The following DIPK1C variants were observed in gnomAD, a reference collection of about 807,000 sequenced individuals.
DIPK1C encodes familial non-conventional Alzheimer's dementia.
In DIPK1C, 33 loss-of-function variants were observed where a neutral mutation model predicts 28.0. That is an observed-to-expected ratio of 1.18 (90% CI 0.89 to 1.58). The LOEUF (loss-of-function observed/expected upper bound fraction) is 1.58, where lower values mean the gene tolerates loss of function less well. DIPK1C is among the 40% of genes most tolerant of loss of function. The pLI is 0.00. For missense variants in DIPK1C, 569 were observed against 568.5 expected, an observed-to-expected ratio of 1.00 and a Z score of -0.01; for synonymous variants, 255 against 248.8, an observed-to-expected ratio of 1.02 and a Z score of -0.23.
At chr18:74,451,450 A>C (rs1006547831) in intron 1 of DIPK1C, among the ~76,000 whole-genome samples, 7 of 152,030 alleles carry the variant, frequency 4.6e-5, no homozygotes, top group African/African-American at 1.7e-4. Context: ...TGAGTGCATC[A>C]CTGGGCCAGG....
rs997704141 is a variant in DIPK1C, at chr18:74,443,881, A to G, written c.877-1765T>C. ...TCTCCCCAGCCTCCCCTGGGCCCCT[A>G]CTCAGAATTTTAGCTTCTTGCAACT... On this transcript the variant is annotated intron_variant, in intron 2 of 3. Coordinates refer to ENST00000343998, the MANE Select transcript of DIPK1C (RefSeq NM_001044369.3). 2.6e-5 allele frequency among the ~76,000 whole-genome samples: 4 copies of G among 152,064 alleles called. No homozygotes were observed. The East Asian group carries it at 7.7e-4, about 29-fold the overall frequency.
At chr18:74,442,385 G>C (rs12968877) in intron 2 of DIPK1C, among the ~76,000 whole-genome samples, 45,227 of 151,946 alleles carry the variant, frequency 0.3, 7,177 homozygotes, top group Middle Eastern at 0.4. Context: ...CTGGAGTGCA[G>C]TGGCGCGATC....
chr18:74,447,849 G>A lies in DIPK1C; in HGVS notation c.199-566C>T, dbSNP rs2144523240. ...TATAAAGCTTGCAGGCTGCAGGTTT[G>A]CAGATGTTTAGAGGAGAAGCCTCTA... On this transcript the variant is annotated intron_variant, in intron 1 of 3. Coordinates refer to ENST00000343998, the MANE Select transcript of DIPK1C (RefSeq NM_001044369.3). The surrounding 1 kb of genome is among the most constrained non-coding windows in gnomAD (Gnocchi z 4.1). Among the ~76,000 whole-genome samples the A allele has an allele frequency of 6.6e-6, 1 of 152,322 alleles. No individual in the cohort carries two copies. The highest frequency in any genetic ancestry group is 2.4e-5 in the African/African-American group (1 of 41,564).
chr18:74,463,709 C>T, the DIPK1C span, among the ~76,000 whole-genome samples: 4 of 152,208 alleles, frequency 2.6e-5, no homozygotes, highest in African/African-American at 9.7e-5. Context: ...GGAACTCTCA[C>T]ACCAGGGTCC....
chr18:74,445,515 T>G (rs1166835492), intron 2 of DIPK1C, among the ~76,000 whole-genome samples: 1 of 152,206 alleles, frequency 6.6e-6, no homozygotes. Context: ...GCAAATTTAG[T>G]TTTCCAGCTG....
intron 3 of DIPK1C, 122 bp downstream of exon 3, chr18:74,441,830 C>A: frequency 1.8e-6 from 2 of 1,103,678 alleles, no homozygotes; most frequent in East Asian, 2.4e-5. Context: ...TTGACCACAT[C>A]GATCCAGATG....
At chr18:74,455,982 C>G (rs909783651) in intron 1 of DIPK1C, among the ~76,000 whole-genome samples, 1 of 152,098 alleles carries the variant, frequency 6.6e-6, no homozygotes, top group Non-Finnish European at 1.5e-5. Flanking sequence ...CTTTGTGGTC[C>G]CACATTTTGA....
At chr18:74,441,314 G>C (rs1349889663) in intron 3 of DIPK1C, among the ~76,000 whole-genome samples, 1 of 152,194 alleles carries the variant, frequency 6.6e-6, no homozygotes, top group Non-Finnish European at 1.5e-5. Flanking sequence ...ATCAGCACCT[G>C]TGGGCCCAGA....
At chr18:74,462,210 T>A (rs530432941), upstream of DIPK1C, among the ~76,000 whole-genome samples, 2 of 152,240 alleles carry the variant, frequency 1.3e-5, no homozygotes, top group African/African-American at 4.8e-5. Context: ...AACGTCTCTA[T>A]CATCCAGGAA....
At position 74,455,748 on chromosome 18, in the gene DIPK1C, GA is replaced by G. The variant is rs1204205357; in HGVS notation, c.198+1313del. 2.7e-3 allele frequency among the ~76,000 whole-genome samples: 341 copies of G among 125,844 alleles called. 3 individuals carry two copies. The highest frequency in any genetic ancestry group is 8.2e-3 in the African/African-American group (283 of 34,568). 82.6% of individuals were successfully genotyped at this position (125,844 alleles called of 152,430 possible). On this transcript the variant is annotated intron_variant, in intron 1 of 3. Coordinates refer to ENST00000343998, the MANE Select transcript of DIPK1C (RefSeq NM_001044369.3). ...CATAAAAAAAAAAGAAAAAGAAAAA[GA>G]AAAAAAAAACCAAACCAACAACAAC...
At chr18:74,456,950 C>G (rs1251071606) in intron 1 of DIPK1C, 112 bp downstream of exon 1, 11 of 1,136,688 alleles carry the variant, frequency 9.7e-6, no homozygotes, top group Non-Finnish European at 1.1e-5. Flanking sequence ...GAACCCATGT[C>G]CCCGGCGGGT....
At chr18:74,464,319 T>C in the DIPK1C span, among the ~76,000 whole-genome samples, 13 of 152,146 alleles carry the variant, frequency 8.5e-5, no homozygotes, top group Admixed American at 4.6e-4. Context: ...GCCAGGAAAA[T>C]CCTTGGTTCC....
intron 3 of DIPK1C, among the ~76,000 whole-genome samples, chr18:74,441,075 A>G (rs1986112244): frequency 6.6e-6 from 1 of 152,210 alleles, no homozygotes; most frequent in South Asian, 2.1e-4. Context: ...CAGCTGATGC[A>G]GCACCATGCT....
intron 3 of DIPK1C, among the ~76,000 whole-genome samples, chr18:74,437,060 C>T (rs1986014489): frequency 6.6e-6 from 1 of 152,144 alleles, no homozygotes; most frequent in Admixed American, 6.5e-5. Context: ...GCAGAAGTCA[C>T]AGACAGTCAC....
chr18:74,436,420 G>A lies in DIPK1C; in HGVS notation c.*81C>T. ...GCACCCCAGAGAGCACAGGGGAAATGGCTCATCTTTAAAACAATGGCAGAA... is the reference window on the plus strand; with the variant it reads ...GCACCCCAGAGAGCACAGGGGAAATAGCTCATCTTTAAAACAATGGCAGAA... On this transcript the variant is annotated 3_prime_UTR_variant, in exon 4 of 4. Transcript: ENST00000343998. 2 of 1,354,456 alleles carry A rather than the reference G, an allele frequency of 1.5e-6. No individual in the cohort carries two copies. Among genetic ancestry groups the A allele is most frequent in the Non-Finnish European group, 1.0e-6 (1 of 1,000,546 alleles). The allele number at this position is 1,354,456 out of a possible 1,614,324, so 83.9% of individuals were successfully genotyped here.
upstream of DIPK1C, among the ~76,000 whole-genome samples, chr18:74,458,856 G>A (rs1432532075): frequency 6.6e-6 from 1 of 152,042 alleles, no homozygotes; most frequent in Non-Finnish European, 1.5e-5. Flanking sequence ...GGCCAAGCCT[G>A]CTGGCTCATG....
chr18:74,458,603 G>GGGGGTTGGGGGGCACTCAATCAACAGCA (rs1986568590), upstream of DIPK1C, among the ~76,000 whole-genome samples: 1 of 132,442 alleles, frequency 7.6e-6, no homozygotes, highest in African/African-American at 2.9e-5. Flanking sequence ...ACAGACCCTT[G>GGGGGTTGGGGGGCACTCAATCAACAGCA]GGGTTTGGGT....
the DIPK1C span, among the ~76,000 whole-genome samples, chr18:74,464,239 C>T: frequency 2.6e-5 from 4 of 152,200 alleles, no homozygotes; most frequent in Non-Finnish European, 5.9e-5. Flanking sequence ...TGCTCAAACC[C>T]AGTACTCCTG....
intron 2 of DIPK1C, among the ~76,000 whole-genome samples, chr18:74,445,905 G>A (rs1389737906): frequency 2.6e-5 from 4 of 152,220 alleles, no homozygotes; most frequent in African/African-American, 7.2e-5. Context: ...ATCAGTGTTC[G>A]CCTAGCTGGG....
Sources: allele counts gnomAD v4.1 joint callset (sites outside exome capture counted in the v4.1 genomes callset), GRCh38; gene constraint gnomAD v4.1.1; non-coding constraint Gnocchi (gnomAD v3.1); transcripts MANE v1.5; gene names NCBI Gene and HGNC (gene_info 2026-07-23, HGNC 2026-07-21).